PCSK5: variants seen among roughly 807,000 people sequenced by gnomAD.
The protein encoded by PCSK5 is prohormone convertase 5.
PCSK5 carries 129 observed loss-of-function variants against 233.2 expected under a neutral mutation model. The observed-to-expected ratio is 0.55, with a 90% CI of 0.48 to 0.64. The LOEUF is 0.64. Ranked by LOEUF, PCSK5 falls within the 30% of genes least tolerant of loss-of-function variation. PCSK5 has a pLI of 0.00. For synonymous variants in PCSK5, 825 were observed against 879.2 expected (o/e 0.94, Z 1.09); for missense variants, 2,076 against 2,430.1 (o/e 0.85, Z 3.06).
intron 33 of PCSK5, among the ~76,000 whole-genome samples, chr9:76,329,554 G>A (rs1367543588): frequency 6.6e-6 from 1 of 151,900 alleles, no homozygotes; most frequent in African/African-American, 2.4e-5. Context: ...TACAGTCTTG[G>A]CTGGGCACGG....
At chr9:76,200,070 G>A (rs924753826) in intron 20 of PCSK5, among the ~76,000 whole-genome samples, 4 of 152,112 alleles carry the variant, frequency 2.6e-5, no homozygotes, top group East Asian at 3.9e-4. Context: ...AACAGCCTCC[G>A]AACCAGCTCC....
intron 5 of PCSK5, among the ~76,000 whole-genome samples, chr9:76,043,958 C>G (rs1038645705): frequency 1.3e-5 from 2 of 151,964 alleles, no homozygotes; most frequent in African/African-American, 2.4e-5. Context: ...TCTCTATGTC[C>G]CATCACACAC....
intron 12 of PCSK5, among the ~76,000 whole-genome samples, chr9:76,162,063 G>C (rs1011460245): frequency 1.3e-5 from 2 of 152,104 alleles, no homozygotes; most frequent in African/African-American, 4.8e-5. Context: ...AGATTGGAGG[G>C]GGCTGGAGAC....
intron 2 of PCSK5, 141 bp downstream of exon 2, chr9:75,932,624 C>T: frequency 1.6e-6 from 1 of 620,658 alleles, no homozygotes; most frequent in Non-Finnish European, 2.9e-6. Flanking sequence ...AGTGTCTATG[C>T]TTCCTCTTTA....
chr9:76,262,314 A>G (rs1827202570), intron 24 of PCSK5, among the ~76,000 whole-genome samples: 1 of 152,142 alleles, frequency 6.6e-6, no homozygotes, highest in Non-Finnish European at 1.5e-5. Context: ...AGCATGCATC[A>G]CCAAGTCAAT....
chr9:76,134,066 T>TC, intron 9 of PCSK5, 43 bp from the exon 10 acceptor site: 1 of 1,042,478 alleles, frequency 9.6e-7, no homozygotes, highest in Non-Finnish European at 1.4e-6. Context: ...TCCCCCATCT[T>TC]TTTTTTTTTT....
intron 30 of PCSK5, among the ~76,000 whole-genome samples, chr9:76,319,443 G>A (rs1329324005): frequency 1.4e-5 from 2 of 147,988 alleles, no homozygotes; most frequent in African/African-American, 5.0e-5. Flanking sequence ...ACTCTTTGTT[G>A]CATTACTAAT....
intron 10 of PCSK5, 52 bp from the exon 11 acceptor site, chr9:76,156,993 T>C (rs1287998918): frequency 1.6e-6 from 2 of 1,249,036 alleles, no homozygotes; most frequent in African/African-American, 1.5e-5. Context: ...AGTGACGTTA[T>C]AATTTGACCT....
chr9:76,044,038 A>T (rs1276320422), intron 5 of PCSK5, among the ~76,000 whole-genome samples: 1 of 152,186 alleles, frequency 6.6e-6, no homozygotes, highest in African/African-American at 2.4e-5. Context: ...GAAAAATGTT[A>T]CCAACTTTCT....
intron 35 of PCSK5, among the ~76,000 whole-genome samples, chr9:76,342,491 G>A (rs1490778448): frequency 1.3e-5 from 2 of 152,152 alleles, no homozygotes; most frequent in South Asian, 2.1e-4. Flanking sequence ...CCCCCACACT[G>A]GGAGAAGACC....
intron 5 of PCSK5, among the ~76,000 whole-genome samples, chr9:76,046,175 T>G (rs1018884825): frequency 0.022 from 2,437 of 112,484 alleles, 95 homozygotes; most frequent in East Asian, 0.15. Context: ...TTTTTTTTTT[T>G]TTTTTTTTTT....
intron 22 of PCSK5, 127 bp from the exon 23 acceptor site, chr9:76,238,832 C>T (rs963010743): frequency 1.5e-6 from 1 of 662,700 alleles, no homozygotes; most frequent in Non-Finnish European, 2.6e-6. Flanking sequence ...CATCCTTACA[C>T]CCCTCATCCA....
At chr9:75,985,855 A>G (rs1826489090) in intron 2 of PCSK5, among the ~76,000 whole-genome samples, 1 of 152,210 alleles carries the variant, frequency 6.6e-6, no homozygotes, top group Non-Finnish European at 1.5e-5. Context: ...ATTGGAAGTA[A>G]AATAGGATTT....
intron 5 of PCSK5, among the ~76,000 whole-genome samples, chr9:76,039,069 A>G (rs1278141712): frequency 6.6e-6 from 1 of 152,198 alleles, no homozygotes; most frequent in Non-Finnish European, 1.5e-5. Context: ...AAATGCAAAT[A>G]TGAGGAGGTA....
At chr9:76,285,554 A>G (rs1828036104) in intron 24 of PCSK5, among the ~76,000 whole-genome samples, 1 of 152,066 alleles carries the variant, frequency 6.6e-6, no homozygotes, top group South Asian at 2.1e-4. Context: ...AGCAAGTGGT[A>G]GGGGGGGAGT....
chr9:76,195,897 T>C (rs1023701196), intron 20 of PCSK5: 2 of 152,240 alleles, frequency 1.3e-5, no homozygotes, highest in African/African-American at 4.8e-5. Flanking sequence ...TTATTTGATC[T>C]GTTCATACCC....
chr9:75,907,873 C>T (rs909669743), intron 1 of PCSK5, among the ~76,000 whole-genome samples: 2 of 152,096 alleles, frequency 1.3e-5, no homozygotes, highest in Non-Finnish European at 2.9e-5. Flanking sequence ...AGGTTTGGTG[C>T]GCGTGAAAGG....
At chr9:76,253,800 TGAC>T (rs1826892338) in intron 24 of PCSK5, among the ~76,000 whole-genome samples, 1 of 152,234 alleles carries the variant, frequency 6.6e-6, no homozygotes, top group African/African-American at 2.4e-5. Flanking sequence ...ATATGGGAAA[TGAC>T]AGAGTAATTC....
At chr9:76,201,570 TTTCTA>T (rs1824916515) in intron 20 of PCSK5, among the ~76,000 whole-genome samples, 1 of 152,028 alleles carries the variant, frequency 6.6e-6, no homozygotes, top group South Asian at 2.1e-4. Context: ...GTGCGACGGG[TTTCTA>T]TATTTTAGCT....
Sources: gnomAD v4.1 joint callset for allele counts (sites outside exome capture counted in the v4.1 genomes callset) on GRCh38, gnomAD v4.1.1 for gene constraint, MANE v1.5 for transcripts, NCBI Gene and HGNC (gene_info 2026-07-23, HGNC 2026-07-21) for gene names.